The following RFX1 variants were observed in gnomAD, a reference collection of about 807,000 sequenced individuals.
RFX1 encodes MHC class II regulatory factor RFX1.
In RFX1, 42 loss-of-function variants were observed where a neutral mutation model predicts 119.6. The ratio of observed to expected loss-of-function variants is 0.35; its 90% CI spans 0.27 to 0.45. The LOEUF (loss-of-function observed/expected upper bound fraction) is 0.45, where lower values mean the gene tolerates loss of function less well. RFX1 is among the 20% of genes least tolerant of loss of function. The probability of loss-of-function intolerance (pLI) is 1.00; values close to 1 mark genes in which losing one functional copy is unlikely to be tolerated. For missense variants in RFX1, 1,118 were observed against 1,368.1 expected, an observed-to-expected ratio of 0.82 and a Z score of 2.88; for synonymous variants, 628 against 618.5, an observed-to-expected ratio of 1.02 and a Z score of -0.23.
chr19:13,979,525 G>T lies in RFX1; in HGVS notation c.756C>A (p.Ala252=). 1 of 1,596,796 alleles carries T rather than the reference G, an allele frequency of 6.3e-7. No individual in the cohort carries two copies. Among genetic ancestry groups the T allele is most frequent in the Non-Finnish European group, 8.5e-7 (1 of 1,170,498 alleles). The stretch of plus-strand genomic sequence containing the variant: ...GGCCGGGTTTGGGCGCTTGTGGAGT[G>T]GCCTGGACCACAGATCTCTGGGAGG... ...PVTQERSVVQ[A]TPQAPKPGPV... is the part of the protein sequence containing the mutation. The change falls in exon 7 of 21, where the codon GCC becomes GCA. Residue 252 remains alanine, a synonymous_variant. Coordinates refer to ENST00000254325, the MANE Select transcript of RFX1 (RefSeq NM_002918.5).
intron 6 of RFX1, among the ~76,000 whole-genome samples, chr19:13,979,973 G>C (rs533391633): frequency 6.6e-6 from 1 of 152,228 alleles, no homozygotes; most frequent in South Asian, 2.1e-4. Context: ...CTGGGGCCTG[G>C]ACCTAGGTCT....
intron 9 of RFX1, among the ~76,000 whole-genome samples, chr19:13,971,604 C>G (rs1244051298): frequency 6.6e-6 from 1 of 152,174 alleles, no homozygotes; most frequent in Non-Finnish European, 1.5e-5. Context: ...CCCTCATTAT[C>G]TATTCTCTAT....
intron 18 of RFX1, 32 bp downstream of exon 18, chr19:13,963,506 G>T: frequency 6.4e-7 from 1 of 1,559,100 alleles, no homozygotes; most frequent in Non-Finnish European, 8.6e-7. Context: ...CTTCCCTGGT[G>T]CCGCCCGGAC....
chr19:14,000,146 C>T (rs1975167298), intron 1 of RFX1, among the ~76,000 whole-genome samples: 1 of 152,116 alleles, frequency 6.6e-6, no homozygotes, highest in African/African-American at 2.4e-5. Context: ...TTCTCTCATC[C>T]TCTATATCCA....
rs565476958 is a variant in RFX1, at chr19:13,964,598, C to A, written c.2212-591G>T. 2.6e-5 allele frequency among the ~76,000 whole-genome samples: 4 copies of A among 152,304 alleles called. No homozygotes were observed. The South Asian group carries it at 8.3e-4, about 32-fold the overall frequency. ...GTGGGTTCAAGCGATTCTCGTGCCT[C>A]AGCCTCCTGGGTAGCTGGGATCATA... On this transcript the variant is annotated intron_variant, in intron 16 of 20. Transcript: ENST00000254325.
intron 8 of RFX1, 64 bp downstream of exon 8, chr19:13,977,928 T>C (rs758803869): frequency 6.2e-6 from 8 of 1,282,322 alleles, no homozygotes; most frequent in Non-Finnish European, 8.9e-6. Context: ...ACTGGTGTCC[T>C]GGGAGACTGG....
chr19:13,979,928 C>T (rs562855485), intron 6 of RFX1, among the ~76,000 whole-genome samples: 4 of 152,060 alleles, frequency 2.6e-5, no homozygotes, highest in Non-Finnish European at 5.9e-5. Flanking sequence ...GAGCCAGGGA[C>T]GGAGGCTGGC....
intron 16 of RFX1, among the ~76,000 whole-genome samples, chr19:13,964,285 C>G (rs558597283): frequency 6.2e-4 from 94 of 152,090 alleles, no homozygotes; most frequent in African/African-American, 2.2e-3. Context: ...GAGACAGGGT[C>G]TCGCCATGTT....
chr19:13,972,792 C>G lies in RFX1; in HGVS notation c.1265G>C (p.Gly422Ala). 6.2e-7 allele frequency: 1 copy of G among 1,608,654 alleles called. No individual in the cohort carries two copies. The highest frequency in any genetic ancestry group is 8.5e-7 in the Non-Finnish European group (1 of 1,178,060). The change falls in exon 9 of 21, where the codon GGC becomes GCC. Residue 422 changes from glycine (G) to alanine (A), a missense_variant. This residue lies in a region of RFX1 where 542 missense variants were observed against 602.7 expected (regional missense o/e 0.90). Coordinates refer to ENST00000254325, the MANE Select transcript of RFX1 (RefSeq NM_002918.5). ...GTGAGAGTAAGACTGGCTGGCACTG[C>G]CCAGCATGTAGCCGCCTTGGATCAC... The part of the protein sequence containing the change: ...TYVIQGGYML[G>A]SASQSYSHTT...
Position 13,982,225 on chromosome 19 carries a change from G to A in RFX1, c.517C>T (p.Leu173Phe). ...LTNIQVPQQA[L>F]PTQRLVVQSA... ...TGCACCACCAGACGCTGCGTGGGAAGAGCCTGGGGCCAGGGAGGGAGAGGG... is the reference window on the plus strand; with the variant it reads ...TGCACCACCAGACGCTGCGTGGGAAAAGCCTGGGGCCAGGGAGGGAGAGGG... Residue 173 changes from leucine (L) to phenylalanine (F), a missense_variant, in exon 5 of 21, where the codon CTT becomes TTT. Transcript: ENST00000254325. 1.5e-6 allele frequency: 2 copies of A among 1,310,424 alleles called. No individual in the cohort carries two copies. Among genetic ancestry groups the A allele is most frequent in the Non-Finnish European group, 2.0e-6 (2 of 1,020,664 alleles). 81.2% of individuals were successfully genotyped at this position (1,310,424 alleles called of 1,614,324 possible).
chr19:14,003,373 CTG>C (rs1568486601), intron 1 of RFX1, among the ~76,000 whole-genome samples: 1 of 115,788 alleles, frequency 8.6e-6, no homozygotes, highest in Non-Finnish European at 1.7e-5. Context: ...CCACTACAAA[CTG>C]GATCCCTGGT....
At chr19:13,978,261 G>A (rs961930002) in intron 7 of RFX1, among the ~76,000 whole-genome samples, 175 bp from the exon 8 acceptor site, 7 of 152,224 alleles carry the variant, frequency 4.6e-5, no homozygotes, top group Non-Finnish European at 8.8e-5. Flanking sequence ...GAATCAGGAA[G>A]AGCTGTGTCA....
At chr19:13,974,977 G>C (rs1054462507) in intron 8 of RFX1, among the ~76,000 whole-genome samples, 4 of 149,760 alleles carry the variant, frequency 2.7e-5, no homozygotes, top group African/African-American at 9.9e-5. Flanking sequence ...CTGGGAGGTG[G>C]AGGCTGTAGT....
In RFX1 at chr19:13,968,612, C is replaced by T; in HGVS notation, c.1685G>A (p.Gly562Glu). The change falls in exon 12 of 21, where the codon GGG (glycine) becomes GAG (glutamate). Residue 562 changes from glycine (G) to glutamate (E), a missense_variant. Physicochemically the swap from Gly to Glu is moderately conservative, Grantham distance 98. This residue lies in a region of RFX1 where 338 missense variants were observed against 508.9 expected (regional missense o/e 0.66). Coordinates refer to ENST00000254325, the MANE Select transcript of RFX1 (RefSeq NM_002918.5). The surrounding 1 kb of genome is among the most constrained non-coding windows in gnomAD (Gnocchi z 5.5). ...CACCTGGGCGCTGATGTCCGACAGC[C>T]CCGTGCTCGGCTGCTGCCCCACCGC... The part of the protein sequence containing the change: ...GVAVGQQPST[G>E]LSDISAQVQQ... The T allele has an allele frequency of 6.2e-7, 1 of 1,613,310 alleles. No individual in the cohort carries two copies.
At position 13,966,743 on chromosome 19, in the gene RFX1, G is replaced by A. The variant is rs774491041; in HGVS notation, c.1741C>T (p.Arg581Trp). Reference sequence around the variant, plus strand: ...AGCTCTGTGAAGTCAGGGAGGCTCCGAGAGGCATCTAGGGGGCCGGGGGGA... The same window carrying A: ...AGCTCTGTGAAGTCAGGGAGGCTCCAAGAGGCATCTAGGGGGCCGGGGGGA... ...QQYQQFLDAS[R>W]SLPDFTELDL... Residue 581 changes from arginine to tryptophan, a missense_variant, in exon 13 of 21, where the codon CGG becomes TGG. Transcript: ENST00000254325. The surrounding 1 kb of genome is among the most constrained non-coding windows in gnomAD (Gnocchi z 6.3). 19 of 1,605,768 alleles carry A rather than the reference G, an allele frequency of 1.2e-5. No individual in the cohort carries two copies. Among genetic ancestry groups the A allele is most frequent in the South Asian group, 4.4e-5 (4 of 90,376 alleles).
intron 16 of RFX1, 41 bp from the exon 17 acceptor site, chr19:13,964,048 C>T (rs1279266064): frequency 6.6e-7 from 1 of 1,517,948 alleles, no homozygotes; most frequent in Admixed American, 2.0e-5. Context: ...TCCAAGGAAC[C>T]CCAGCCCGCC....
intron 2 of RFX1, among the ~76,000 whole-genome samples, chr19:13,993,185 C>T (rs554814606): frequency 3.9e-5 from 6 of 152,220 alleles, no homozygotes; most frequent in African/African-American, 1.4e-4. Context: ...GTCTCAGCTA[C>T]TTGGGAGGCT....
chr19:13,984,346 A>T (rs1232041967), intron 2 of RFX1, among the ~76,000 whole-genome samples: 1 of 151,646 alleles, frequency 6.6e-6, no homozygotes, highest in Non-Finnish European at 1.5e-5. Flanking sequence ...TTGGGGCGCT[A>T]ATCCCCCCGG....
intron 1 of RFX1, among the ~76,000 whole-genome samples, chr19:13,999,398 G>C (rs1395941527): frequency 1.3e-5 from 2 of 152,160 alleles, no homozygotes; most frequent in Admixed American, 6.5e-5. Context: ...AGCAGTAAAC[G>C]TTATTAGTTT....
Sources: gnomAD v4.1 joint callset for allele counts (sites outside exome capture counted in the v4.1 genomes callset) on GRCh38, gnomAD v4.1.1 for gene constraint, gnomAD v4.1.1 regional missense constraint, Gnocchi (gnomAD v3.1) non-coding constraint, MANE v1.5 for transcripts, NCBI Gene and HGNC (gene_info 2026-07-23, HGNC 2026-07-21) for gene names.